Variants in DNAH3 observed in about 807,000 individuals in gnomAD.
The protein encoded by DNAH3 is axonemal beta dynein heavy chain 3.
A neutral mutation model predicts 432.5 loss-of-function variants in DNAH3; 332 were observed. The observed-to-expected ratio is 0.77, with a 90% CI of 0.70 to 0.84. The LOEUF is 0.84. Among genes scored for constraint, DNAH3 ranks in the 40% least tolerant of loss-of-function variants. The pLI is 0.00. For synonymous variants in DNAH3, 1,956 were observed against 1,900.2 expected (o/e 1.03, Z -0.76); for missense variants, 4,861 against 5,114.0 (o/e 0.95, Z 1.51).
intron 14 of DNAH3, among the ~76,000 whole-genome samples, chr16:21,107,530 G>A (rs1218228012): frequency 1.3e-5 from 2 of 151,998 alleles, no homozygotes; most frequent in Non-Finnish European, 2.9e-5. Flanking sequence ...ATGAGCCACC[G>A]CACCCAGCCT....
chr16:20,938,669 CAAA>C (rs901953556), intron 59 of DNAH3, among the ~76,000 whole-genome samples: 6 of 81,910 alleles, frequency 7.3e-5, no homozygotes, highest in Non-Finnish European at 1.2e-4. Flanking sequence ...GGTGAAAAGG[CAAA>C]AAAAAAAAAA....
At chr16:21,050,948 A>AC (rs2089929193) in intron 29 of DNAH3, among the ~76,000 whole-genome samples, 2 of 151,834 alleles carry the variant, frequency 1.3e-5, no homozygotes, top group Non-Finnish European at 2.9e-5. Context: ...GTCTCTCCCG[A>AC]CCCCCCAGTT....
At chr16:21,019,954 A>G in intron 40 of DNAH3, 85 bp from the exon 41 acceptor site, 1 of 1,529,218 alleles carries the variant, frequency 6.5e-7, no homozygotes, top group Non-Finnish European at 8.9e-7. Context: ...TTGCCTTTGA[A>G]GGGTCTGGGC....
chr16:21,131,866 A>G (rs1032113622), intron 7 of DNAH3, among the ~76,000 whole-genome samples: 1 of 151,800 alleles, frequency 6.6e-6, no homozygotes, highest in African/African-American at 2.4e-5. Flanking sequence ...AAAAAAAAAA[A>G]AAAAAAAGGG....
chr16:21,015,772 A>G (rs1050021599), intron 41 of DNAH3, among the ~76,000 whole-genome samples: 1 of 152,164 alleles, frequency 6.6e-6, no homozygotes, highest in Non-Finnish European at 1.5e-5. Flanking sequence ...TATGATTTTC[A>G]TATTTCAAAT....
Position 20,965,835 on chromosome 16 carries a change from C to A in DNAH3, c.8459-410G>T, listed in dbSNP as rs1224714694. ...TCAAGTGATCCTCCTGCCTCAGCCT[C>A]CCAAGGAGCTGGGACTACAGGCATG... is the stretch of plus-strand genomic sequence containing the variant. On this transcript the variant is annotated intron_variant, in intron 52 of 61. Coordinates refer to ENST00000261383, the Ensembl canonical transcript of DNAH3. Among the ~76,000 whole-genome samples the A allele has an allele frequency of 2.6e-5, 4 of 151,882 alleles. No homozygotes were observed. In the East Asian group the frequency reaches 5.8e-4, roughly 22 times the overall value.
At chr16:20,988,770 G>A (rs1283126560) in intron 44 of DNAH3, among the ~76,000 whole-genome samples, 2 of 152,370 alleles carry the variant, frequency 1.3e-5, no homozygotes, top group South Asian at 2.1e-4. Flanking sequence ...CGCGGTGAGT[G>A]TTACAGCTCT....
chr16:21,067,570 C>T, intron 23 of DNAH3, 151 bp from the exon 24 acceptor site: 3 of 800,932 alleles, frequency 3.7e-6, no homozygotes, highest in South Asian at 3.3e-5. Context: ...GGGGTGAATG[C>T]TTATGGAACA....
At chr16:21,031,082 A>G (rs780553826) in exon 37 of DNAH3, 15 of 1,614,120 alleles carry the variant, frequency 9.3e-6, no homozygotes, top group Middle Eastern at 3.3e-4. Context: ...CATATTTTCA[A>G]TCCAAATAGC....
At chr16:21,133,351 A>G (rs1473587778) in intron 7 of DNAH3, among the ~76,000 whole-genome samples, 1 of 122,128 alleles carries the variant, frequency 8.2e-6, no homozygotes, top group Non-Finnish European at 1.7e-5. Context: ...TGACAGGGTG[A>G]GATTCGTCTC....
At chr16:21,037,906 C>A in exon 34 of DNAH3, 1 of 1,614,146 alleles carries the variant, frequency 6.2e-7, no homozygotes, top group Non-Finnish European at 8.5e-7. Flanking sequence ...AGCGCGCATA[C>A]CGTAGTCATA....
chr16:21,005,239 C>T (rs2087230212), intron 41 of DNAH3, among the ~76,000 whole-genome samples: 1 of 146,816 alleles, frequency 6.8e-6, no homozygotes, highest in Non-Finnish European at 1.5e-5. Context: ...CCTTCCTTCC[C>T]TCCCTCCCTT....
chr16:21,055,985 G>T (rs1047120676), intron 27 of DNAH3, among the ~76,000 whole-genome samples: 1 of 151,284 alleles, frequency 6.6e-6, no homozygotes, highest in Non-Finnish European at 1.5e-5. Context: ...CAATCCTCCC[G>T]CCTTGGCCTC....
chr16:21,159,223 G>A lies in DNAH3; in HGVS notation c.117+102C>T, dbSNP rs1880558628. On this transcript the variant is annotated intron_variant, in intron 1 of 61. Coordinates refer to ENST00000261383, the Ensembl canonical transcript of DNAH3. ...TGCAGAGAGATCTGCAAGTATCAAA[G>A]GGGGCTTCTTTACCCCCAAATTAAT... is the stretch of plus-strand genomic sequence containing the variant. 2.8e-6 allele frequency: 3 copies of A among 1,058,458 alleles called. No homozygotes were observed. In the Admixed American group the frequency reaches 5.1e-5, roughly 18 times the overall value. 65.6% of individuals were successfully genotyped at this position (1,058,458 alleles called of 1,614,324 possible). A position where few individuals can be genotyped will look rare whatever the true frequency, so the allele number is the denominator to read the frequency against.
At position 21,083,423 on chromosome 16, in the gene DNAH3, A is replaced by G. The variant is rs533068850; in HGVS notation, c.2878-1696T>C. On this transcript the variant is annotated intron_variant, in intron 19 of 61. Coordinates refer to ENST00000261383, the Ensembl canonical transcript of DNAH3. ...GGAAGACCAAGAGTGTTATAGGCAC[A>G]TGATGAAAAAATAACCAAAATAACA... Among the ~76,000 whole-genome samples, 11 of 152,342 alleles carry G rather than the reference A, an allele frequency of 7.2e-5. No individual in the cohort carries two copies. In the South Asian group the frequency reaches 2.3e-3, roughly 32 times the overall value.
At position 21,159,271 on chromosome 16, in the gene DNAH3, T is replaced by C. The variant is rs2092933789; in HGVS notation, c.117+54A>G. The C allele has an allele frequency of 5.4e-6, 8 of 1,473,212 alleles. No homozygotes were observed. The Admixed American group carries it at 1.3e-4, about 25-fold the overall frequency. 91.3% of individuals were successfully genotyped at this position (1,473,212 alleles called of 1,614,324 possible). ...AATAACTAAGTACTCGACTCCCCTC[T>C]GAGTTCCCATTATTCAGTCTCTGTG... On this transcript the variant is annotated intron_variant, in intron 1 of 61. Transcript: ENST00000261383.
At chr16:21,022,745 T>G (rs1382622648) in intron 39 of DNAH3, among the ~76,000 whole-genome samples, 1 of 150,240 alleles carries the variant, frequency 6.7e-6, no homozygotes, top group Non-Finnish European at 1.5e-5. Flanking sequence ...ATTTACTTAC[T>G]AAATTTTTTT....
chr16:20,947,762 AG>A (rs139283688), intron 57 of DNAH3, among the ~76,000 whole-genome samples: 4,481 of 152,188 alleles, frequency 0.029, 193 homozygotes, highest in African/African-American at 0.1. Context: ...CATCAATAAA[AG>A]TAAGTGGTTT....
At chr16:21,058,326 A>T in intron 26 of DNAH3, 130 bp from the exon 27 acceptor site, 1 of 531,668 alleles carries the variant, frequency 1.9e-6, no homozygotes, top group Non-Finnish European at 3.4e-6. Context: ...AGACGCTACA[A>T]GGCTTGACAT....
Sources: allele counts gnomAD v4.1 joint callset (sites outside exome capture counted in the v4.1 genomes callset), GRCh38; gene constraint gnomAD v4.1.1; transcripts MANE v1.5; gene names NCBI Gene and HGNC (gene_info 2026-07-23, HGNC 2026-07-21).